ERP44: variants seen among roughly 807,000 people sequenced by gnomAD.
ERP44 encodes endoplasmic reticulum protein 44, also known as endoplasmic reticulum resident protein 44.
A neutral mutation model predicts 53.4 loss-of-function variants in ERP44; 25 were observed. The ratio of observed to expected loss-of-function variants is 0.47; its 90% CI spans 0.34 to 0.65. The LOEUF is 0.65. Ranked by LOEUF, ERP44 falls within the 30% of genes least tolerant of loss-of-function variation. The pLI, the probability that ERP44 is intolerant of heterozygous loss-of-function variation, is 0.01. For missense variants in ERP44, 338 were observed against 493.2 expected, an observed-to-expected ratio of 0.69 and a Z score of 2.98; for synonymous variants, 145 against 161.2, an observed-to-expected ratio of 0.90 and a Z score of 0.76.
intron 1 of ERP44, among the ~76,000 whole-genome samples, chr9:100,061,527 CGTAT>C (rs1826148859): frequency 1.5e-5 from 2 of 129,134 alleles, no homozygotes; most frequent in African/African-American, 7.1e-5. Flanking sequence ...TTTATAGAAA[CGTAT>C]ATATTTATAG....
chr9:100,053,315 T>C (rs1241775467), intron 3 of ERP44, among the ~76,000 whole-genome samples: 1 of 152,206 alleles, frequency 6.6e-6, no homozygotes, highest in East Asian at 1.9e-4. Flanking sequence ...TTTTCTTTTT[T>C]CTTTTACTTT....
chr9:99,989,645 G>C (rs1830232844), intron 10 of ERP44, among the ~76,000 whole-genome samples: 1 of 152,180 alleles, frequency 6.6e-6, no homozygotes, highest in Admixed American at 6.5e-5. Flanking sequence ...CTCCTCCAAA[G>C]GATCACAGCT....
Position 100,008,600 on chromosome 9 carries a change from A to G in ERP44, c.763-911T>C, listed in dbSNP as rs1408340841. 5.9e-5 allele frequency among the ~76,000 whole-genome samples: 9 copies of G among 152,310 alleles called. No homozygotes were observed. The East Asian group carries it at 1.7e-3, about 29-fold the overall frequency. Reference sequence around the variant, plus strand: ...TCACCAGAAAGTACAAATGTCCTTTATTTTTTAAAAAACAAACTGGGACCT... The same window carrying G: ...TCACCAGAAAGTACAAATGTCCTTTGTTTTTTAAAAAACAAACTGGGACCT... On this transcript the variant is annotated intron_variant, in intron 8 of 11. Coordinates refer to ENST00000262455, the MANE Select transcript of ERP44 (RefSeq NM_015051.3).
chr9:100,083,064 G>T (rs922790215), intron 1 of ERP44, among the ~76,000 whole-genome samples: 10 of 150,188 alleles, frequency 6.7e-5, no homozygotes, highest in Non-Finnish European at 1.5e-4. Context: ...ATAATAGAAA[G>T]AATGAATAAA....
intron 1 of ERP44, among the ~76,000 whole-genome samples, chr9:100,074,807 T>C (rs1826338500): frequency 6.6e-6 from 1 of 152,162 alleles, no homozygotes; most frequent in South Asian, 2.1e-4. Flanking sequence ...CCAGTTAAAG[T>C]AGGGGCTTAT....
Position 99,985,011 on chromosome 9 carries a change from C to T in ERP44, c.1075G>A (p.Glu359Lys), listed in dbSNP as rs1164458266. ...GTTGGGTCAGGTCCATGATGGAATTCTCTGTGCAGTTTTCCAGAATGTAAG... is the reference window on the plus strand; with the variant it reads ...GTTGGGTCAGGTCCATGATGGAATTTTCTGTGCAGTTTTCCAGAATGTAAG... ...FDLHSGKLHR[E>K]FHHGPDPTDT... Residue 359 changes from glutamate (E) to lysine (K), a missense_variant, in exon 11 of 12, where the codon GAA becomes AAA. Coordinates refer to ENST00000262455, the MANE Select transcript of ERP44 (RefSeq NM_015051.3). 8 of 1,613,752 alleles carry T rather than the reference C, an allele frequency of 5.0e-6. No individual in the cohort carries two copies. Among genetic ancestry groups the T allele is most frequent in the Non-Finnish European group, 6.8e-6 (8 of 1,179,718 alleles).
At chr9:99,991,324 C>T (rs1418780118) in intron 10 of ERP44, among the ~76,000 whole-genome samples, 1 of 152,212 alleles carries the variant, frequency 6.6e-6, no homozygotes, top group African/African-American at 2.4e-5. Flanking sequence ...GTCTCTCAGA[C>T]CACAGTGCAA....
In ERP44 at chr9:100,007,654, G is replaced by A. The variant is rs1830435207; in HGVS notation, c.798C>T (p.Leu266=). Residue 266 remains leucine (L), a synonymous_variant, in exon 9 of 12, where the codon CTC becomes CTT. Transcript: ENST00000262455. ...LTEEGLPFLI[L]FHMKEDTESL... ...TTTCTGTATCTTCTTTCATGTGAAA[G>A]AGTATGAGAAAAGGCAGTCCTTCTT... is the stretch of plus-strand genomic sequence containing the variant. 1.2e-6 allele frequency: 2 copies of A among 1,603,170 alleles called. No individual in the cohort carries two copies. Among genetic ancestry groups the A allele is most frequent in the Non-Finnish European group, 1.7e-6 (2 of 1,170,086 alleles).
At chr9:100,034,081 G>C (rs1825825466) in intron 4 of ERP44, among the ~76,000 whole-genome samples, 1 of 152,128 alleles carries the variant, frequency 6.6e-6, no homozygotes, top group Admixed American at 6.5e-5. Context: ...GTAAAATAAG[G>C]CTGAGGCTTA....
chr9:100,006,019 C>G (rs1830421755), intron 10 of ERP44, among the ~76,000 whole-genome samples: 1 of 152,174 alleles, frequency 6.6e-6, no homozygotes, highest in Admixed American at 6.5e-5. Context: ...ATTCTTGGAA[C>G]AGTTCATAGC....
intron 1 of ERP44, among the ~76,000 whole-genome samples, chr9:100,075,723 G>T (rs1217761334): frequency 6.6e-6 from 1 of 152,192 alleles, no homozygotes; most frequent in Non-Finnish European, 1.5e-5. Context: ...TGCTGCATTT[G>T]GCCCCTCCTA....
chr9:100,078,623 C>G (rs1031187243), intron 1 of ERP44, among the ~76,000 whole-genome samples: 1 of 151,634 alleles, frequency 6.6e-6, no homozygotes, highest in African/African-American at 2.4e-5. Context: ...GGCGTGGTAG[C>G]AGGCACCTGT....
At chr9:100,007,766 T>G in intron 8 of ERP44, 77 bp from the exon 9 acceptor site, 1 of 830,548 alleles carries the variant, frequency 1.2e-6, no homozygotes, top group South Asian at 1.4e-5. Flanking sequence ...AGGAACAATT[T>G]TGAACCCAAC....
intron 4 of ERP44, among the ~76,000 whole-genome samples, chr9:100,036,667 A>G (rs1825851019): frequency 6.6e-6 from 1 of 152,202 alleles, no homozygotes; most frequent in Admixed American, 6.5e-5. Flanking sequence ...TAAAAGTTGA[A>G]AATGAACAAA....
intron 4 of ERP44, among the ~76,000 whole-genome samples, chr9:100,045,859 G>C (rs1157263216): frequency 2.0e-5 from 3 of 152,006 alleles, no homozygotes; most frequent in Admixed American, 2.0e-4. Context: ...TAATCCTAAA[G>C]CAACAAGTAG....
chr9:100,008,904 G>A (rs566841588), intron 8 of ERP44, among the ~76,000 whole-genome samples: 1 of 152,006 alleles, frequency 6.6e-6, no homozygotes, highest in Admixed American at 6.6e-5. Context: ...ACCATGCCCA[G>A]CTCATTTTTG....
chr9:100,016,222 T>TAC lies in ERP44; in HGVS notation c.762+98_762+99dup, dbSNP rs1308735636. 7.4e-6 allele frequency: 11 copies of TAC among 1,481,340 alleles called. No individual in the cohort carries two copies. The African/African-American group carries it at 1.6e-4, about 21-fold the overall frequency. 91.8% of individuals were successfully genotyped at this position (1,481,340 alleles called of 1,614,324 possible). A position where few individuals can be genotyped will look rare whatever the true frequency, so the allele number is the denominator to read the frequency against. Reference sequence around the variant, plus strand: ...ATAGTTATGTTCACTATATGATTCTTACAATTCATAACTCTGTTAACATAG... The same window carrying TAC: ...ATAGTTATGTTCACTATATGATTCTTACACAATTCATAACTCTGTTAACATAG... On this transcript the variant is annotated intron_variant, in intron 8 of 11. Coordinates refer to ENST00000262455, the MANE Select transcript of ERP44 (RefSeq NM_015051.3).
intron 1 of ERP44, among the ~76,000 whole-genome samples, chr9:100,089,046 A>T (rs1826519071): frequency 6.6e-6 from 1 of 152,220 alleles, no homozygotes; most frequent in South Asian, 2.1e-4. Context: ...TCCAGAAATA[A>T]ACACTTTATA....
At chr9:100,006,357 A>C in intron 10 of ERP44, 149 bp downstream of exon 10, 5 of 603,534 alleles carry the variant, frequency 8.3e-6, no homozygotes, top group Non-Finnish European at 1.1e-5. Context: ...CTATAGTGAA[A>C]AAAAGCAGCA....
Sources: allele counts gnomAD v4.1 joint callset (sites outside exome capture counted in the v4.1 genomes callset), GRCh38; gene constraint gnomAD v4.1.1; transcripts MANE v1.5; gene names NCBI Gene and HGNC (gene_info 2026-07-23, HGNC 2026-07-21).